The following SPSB1 variants were observed in gnomAD, a reference collection of about 807,000 sequenced individuals.
SPSB1 encodes the protein splA/ryanodine receptor domain and SOCS box containing 1, also known as SPRY domain-containing SOCS box protein 1.
A neutral mutation model predicts 21.2 loss-of-function variants in SPSB1; 8 were observed. That is an observed-to-expected ratio of 0.38 (90% CI 0.22 to 0.68). SPSB1 has a LOEUF of 0.68. Among genes scored for constraint, SPSB1 ranks in the 30% least tolerant of loss-of-function variants. SPSB1 has a pLI of 0.53. For missense variants in SPSB1, 242 were observed against 377.8 expected (o/e 0.64, Z 2.98); for synonymous variants, 169 against 161.7 (o/e 1.05, Z -0.34).
intron 2 of SPSB1, among the ~76,000 whole-genome samples, chr1:9,362,380 G>A (rs535317195): frequency 3.9e-4 from 60 of 152,382 alleles, no homozygotes; most frequent in Non-Finnish European, 8.4e-4. Context: ...AAGGCTCCAC[G>A]TTGTGTTTGG....
At chr1:9,303,656 T>C (rs980639395) in intron 1 of SPSB1, among the ~76,000 whole-genome samples, 48 of 152,214 alleles carry the variant, frequency 3.2e-4, no homozygotes, top group African/African-American at 1.2e-3. Flanking sequence ...GGACTGTACC[T>C]CCTCTCTGGA....
At chr1:9,316,558 G>T (rs74051610) in intron 1 of SPSB1, among the ~76,000 whole-genome samples, 41 of 152,122 alleles carry the variant, frequency 2.7e-4, no homozygotes, top group African/African-American at 7.7e-4. Context: ...TGGCGAGGAG[G>T]GGGGGGCTGA....
chr1:9,306,160 G>T (rs1467986541), intron 1 of SPSB1, among the ~76,000 whole-genome samples: 1 of 152,170 alleles, frequency 6.6e-6, no homozygotes, highest in Non-Finnish European at 1.5e-5. Context: ...ACCCCACAGG[G>T]CAGGGACTGA....
chr1:9,326,547 G>C lies in SPSB1; in HGVS notation c.-149-29196G>C, dbSNP rs190647275. ...TGAATGTTCTCCCTGGTGGACTGGT[G>C]GGGGAGGGCTTGGTTTGCTCTGAGT... On this transcript the variant is annotated intron_variant, in intron 1 of 2. Transcript: ENST00000328089. 1.6e-3 allele frequency among the ~76,000 whole-genome samples: 240 copies of C among 152,336 alleles called. 1 individual carries two copies. The highest frequency in any genetic ancestry group is 5.6e-3 in the African/African-American group (231 of 41,566).
chr1:9,365,381 T>A (rs1640551994), intron 2 of SPSB1, among the ~76,000 whole-genome samples: 1 of 152,216 alleles, frequency 6.6e-6, no homozygotes, highest in South Asian at 2.1e-4. Context: ...CCTCCCAAAG[T>A]GCTGGGATTA....
intron 1 of SPSB1, among the ~76,000 whole-genome samples, chr1:9,307,050 C>A (rs1365419737): frequency 6.6e-6 from 1 of 151,950 alleles, no homozygotes; most frequent in East Asian, 1.9e-4. Context: ...TCCTTAGCCT[C>A]CTGGGTAGCT....
At chr1:9,294,269 T>TGTGA (rs58198864) in intron 1 of SPSB1, among the ~76,000 whole-genome samples, 102,981 of 151,004 alleles carry the variant, frequency 0.68, 35,980 homozygotes, top group South Asian at 0.78. Flanking sequence ...CACGTGTCTC[T>TGTGA]GTGTCTGTCT....
At chr1:9,330,304 CT>C (rs912848546) in intron 1 of SPSB1, among the ~76,000 whole-genome samples, 2 of 152,124 alleles carry the variant, frequency 1.3e-5, no homozygotes, top group African/African-American at 4.8e-5. Flanking sequence ...CCCGTCTCTA[CT>C]AAAAATACAA....
chr1:9,355,623 A>G (rs1394601028), intron 1 of SPSB1, 120 bp from the exon 2 acceptor site: 10 of 1,132,484 alleles, frequency 8.8e-6, no homozygotes. Context: ...CGTGTCAGGC[A>G]TGACAGAGCC....
In SPSB1 at chr1:9,356,656, A is replaced by G. The variant is rs1640368084; in HGVS notation, c.694+71A>G. 6.6e-7 allele frequency: 1 copy of G among 1,517,460 alleles called. No homozygotes were observed. Among genetic ancestry groups the G allele is most frequent in the Non-Finnish European group, 8.8e-7 (1 of 1,135,090 alleles). The allele number at this position is 1,517,460 out of a possible 1,614,324, so 94.0% of individuals were successfully genotyped here. On this transcript the variant is annotated intron_variant, in intron 2 of 2. Coordinates refer to ENST00000328089, the MANE Select transcript of SPSB1 (RefSeq NM_025106.4). This position sits in a 1 kb window ranked among gnomAD's most constrained non-coding sequence, Gnocchi z 7.4. ...CCATGGTCCTGGCTGGGCTCAGGCC[A>G]AAAGTTGATTCATTGGAACTAGAGT... is the stretch of plus-strand genomic sequence containing the variant.
At chr1:9,320,772 A>G (rs552761840) in intron 1 of SPSB1, among the ~76,000 whole-genome samples, 75 of 151,738 alleles carry the variant, frequency 4.9e-4, no homozygotes, top group Non-Finnish European at 1.0e-3. Context: ...CTGGAGGGTG[A>G]CTCCGTGTTT....
At chr1:9,364,750 C>T (rs1233635540) in intron 2 of SPSB1, among the ~76,000 whole-genome samples, 3 of 152,190 alleles carry the variant, frequency 2.0e-5, no homozygotes, top group African/African-American at 7.2e-5. Context: ...TGGCTGTGAC[C>T]GTCCATGGGG....
In SPSB1 at chr1:9,363,149, A is replaced by G. The variant is rs1300389108; in HGVS notation, c.695-4299A>G. 1.3e-5 allele frequency among the ~76,000 whole-genome samples: 2 copies of G among 152,194 alleles called. No individual in the cohort carries two copies. The highest frequency in any genetic ancestry group is 2.9e-5 in the Non-Finnish European group (2 of 68,036). On this transcript the variant is annotated intron_variant, in intron 2 of 2. Coordinates refer to ENST00000328089, the MANE Select transcript of SPSB1 (RefSeq NM_025106.4). This position sits in a 1 kb window ranked among gnomAD's most constrained non-coding sequence, Gnocchi z 4.5. Reference sequence around the variant, plus strand: ...CCCACGTCTGTTTCTGTGGCCATGCATTCTTGGTCTCTGCCCAGCCTTTGG... The same window carrying G: ...CCCACGTCTGTTTCTGTGGCCATGCGTTCTTGGTCTCTGCCCAGCCTTTGG...
At chr1:9,301,410 G>A (rs1639327573) in intron 1 of SPSB1, among the ~76,000 whole-genome samples, 1 of 152,156 alleles carries the variant, frequency 6.6e-6, no homozygotes. Flanking sequence ...TGAGGTGGGA[G>A]GATCACTTGA....
intron 1 of SPSB1, among the ~76,000 whole-genome samples, chr1:9,323,043 C>T (rs1366388016): frequency 6.6e-6 from 1 of 152,256 alleles, no homozygotes; most frequent in Non-Finnish European, 1.5e-5. Context: ...CTGGCTGTCA[C>T]TCTTTGATGC....
chr1:9,360,087 G>A (rs1013849356), intron 2 of SPSB1, among the ~76,000 whole-genome samples: 23 of 152,180 alleles, frequency 1.5e-4, no homozygotes, highest in African/African-American at 5.5e-4. Context: ...AGAGCGGTCA[G>A]TGGGGGAGTT....
intron 1 of SPSB1, among the ~76,000 whole-genome samples, chr1:9,339,066 G>A (rs1640049103): frequency 1.3e-5 from 2 of 152,176 alleles, no homozygotes; most frequent in South Asian, 4.1e-4. Flanking sequence ...GCTTCCCCTT[G>A]GAGACGGTGG....
chr1:9,327,944 G>A (rs1639843359), intron 1 of SPSB1, among the ~76,000 whole-genome samples: 2 of 152,260 alleles, frequency 1.3e-5, no homozygotes, highest in Admixed American at 6.5e-5. Flanking sequence ...ACGGGGCCCA[G>A]GACCAGCCTC....
intron 1 of SPSB1, among the ~76,000 whole-genome samples, chr1:9,319,685 G>C (rs74051620): frequency 6.6e-6 from 1 of 152,106 alleles, no homozygotes; most frequent in African/African-American, 2.4e-5. Context: ...AAGCCTGCTC[G>C]TCTGGCCCGG....
Sources: allele counts gnomAD v4.1 joint callset (sites outside exome capture counted in the v4.1 genomes callset), GRCh38; gene constraint gnomAD v4.1.1; non-coding constraint Gnocchi (gnomAD v3.1); transcripts MANE v1.5; gene names NCBI Gene and HGNC (gene_info 2026-07-23, HGNC 2026-07-21).